The following PELP1 variants were observed in gnomAD, a reference collection of about 807,000 sequenced individuals.
The protein encoded by PELP1 is proline, glutamate and leucine rich protein 1.
PELP1 carries 32 observed loss-of-function variants against 95.5 expected under a neutral mutation model. The ratio of observed to expected loss-of-function variants is 0.34; its 90% CI spans 0.25 to 0.45. The LOEUF is 0.45. Among genes scored for constraint, PELP1 ranks in the 20% least tolerant of loss-of-function variants. The pLI, the probability that PELP1 is intolerant of heterozygous loss-of-function variation, is 1.00. For missense variants in PELP1, 1,358 were observed against 1,444.8 expected, an observed-to-expected ratio of 0.94 and a Z score of 0.97; for synonymous variants, 668 against 600.1, an observed-to-expected ratio of 1.11 and a Z score of -1.65.
chr17:4,674,408 C>T (rs1912364077), intron 13 of PELP1, 102 bp downstream of exon 13: 1 of 1,114,886 alleles, frequency 9.0e-7, no homozygotes, highest in Non-Finnish European at 1.3e-6. Context: ...ACTCTCCCCA[C>T]AAAAGTTTCA....
intron 3 of PELP1, 95 bp downstream of exon 3, chr17:4,690,793 G>A (rs1391129580): frequency 1.0e-5 from 8 of 783,318 alleles, no homozygotes; most frequent in Non-Finnish European, 1.8e-5. Context: ...TCTGTCCCCA[G>A]AACTACATGT....
chr17:4,683,675 C>T (rs183863792), intron 3 of PELP1, among the ~76,000 whole-genome samples: 27 of 151,156 alleles, frequency 1.8e-4, no homozygotes, highest in Admixed American at 3.3e-4. Context: ...GGATTACAGG[C>T]ATGGACCATC....
At chr17:4,684,197 C>T (rs1410216395) in intron 3 of PELP1, among the ~76,000 whole-genome samples, 4 of 152,100 alleles carry the variant, frequency 2.6e-5, no homozygotes, top group African/African-American at 9.7e-5. Flanking sequence ...AAAGAAAATA[C>T]TTATGAAGCA....
At position 4,673,714 on chromosome 17, in the gene PELP1, C is replaced by A; in HGVS notation, c.1583-40G>T. On this transcript the variant is annotated intron_variant, in intron 13 of 16. Transcript: ENST00000572293. This position sits in a 1 kb window ranked among gnomAD's most constrained non-coding sequence, Gnocchi z 5.7. ...TGGTGTGTAAAGGGTAGGCTCCCAACAGACTGACGGCAAGGGCTTCTGAAG... is the reference window on the plus strand; with the variant it reads ...TGGTGTGTAAAGGGTAGGCTCCCAAAAGACTGACGGCAAGGGCTTCTGAAG... 1.3e-6 allele frequency: 2 copies of A among 1,576,916 alleles called. No homozygotes were observed. Among genetic ancestry groups the A allele is most frequent in the Middle Eastern group, 1.7e-4 (1 of 6,002 alleles).
chr17:4,672,811 G>A lies in PELP1; in HGVS notation c.2180C>T (p.Pro727Leu). 1.2e-6 allele frequency: 2 copies of A among 1,613,934 alleles called. No homozygotes were observed. The highest frequency in any genetic ancestry group is 1.7e-6 in the Non-Finnish European group (2 of 1,179,852). Residue 727 changes from proline to leucine, a missense_variant, in exon 16 of 17, where the codon CCT becomes CTT. Pro to Leu is a moderately conservative substitution (Grantham distance 98, BLOSUM62 -3). Transcript: ENST00000572293. ...VSVPPRLLPG[P>L]ENHRAGSNED... is the part of the protein sequence containing the mutation. The stretch of plus-strand genomic sequence containing the variant: ...ATTTGAGCCTGCCCGGTGGTTCTCA[G>A]GGCCAGGAAGAAGCCGGGGAGGGAC...
rs957038951 is a variant in PELP1 at position 4,671,326 on chromosome 17, A to G, written c.*113T>C. ...ATACTATGGACACCCTGAAAAGCCC[A>G]GCAGACACTTGAGCTTCTGGCTGGG... is the stretch of plus-strand genomic sequence containing the variant. On this transcript the variant is annotated 3_prime_UTR_variant, in exon 17 of 17. Coordinates refer to ENST00000572293, the MANE Select transcript of PELP1 (RefSeq NM_014389.3). 8.6e-6 allele frequency: 6 copies of G among 694,970 alleles called. No individual in the cohort carries two copies. The highest frequency in any genetic ancestry group is 3.2e-5 in the South Asian group (2 of 62,564). The allele number at this position is 694,970 out of a possible 1,614,324, so 43.1% of individuals were successfully genotyped here.
At chr17:4,674,046 C>A (rs557979834) in intron 13 of PELP1, among the ~76,000 whole-genome samples, 14 of 152,292 alleles carry the variant, frequency 9.2e-5, no homozygotes, top group African/African-American at 3.4e-4. Flanking sequence ...TCAGTGGTTA[C>A]GGTGAGAGCA....
chr17:4,697,870 C>T (rs1217194462), intron 1 of PELP1, among the ~76,000 whole-genome samples: 13 of 151,876 alleles, frequency 8.6e-5, no homozygotes, highest in Admixed American at 8.5e-4. Context: ...CATTATCTCC[C>T]CCCAAGACAC....
chr17:4,702,694 C>T (rs1913590863), intron 1 of PELP1, among the ~76,000 whole-genome samples: 1 of 152,142 alleles, frequency 6.6e-6, no homozygotes, highest in Non-Finnish European at 1.5e-5. Flanking sequence ...CAAATTGTGA[C>T]AACCATCTTC....
At chr17:4,700,410 C>G (rs117346613) in intron 1 of PELP1, among the ~76,000 whole-genome samples, 2 of 151,792 alleles carry the variant, frequency 1.3e-5, no homozygotes, top group East Asian at 3.9e-4. Context: ...TTTGGGAGGT[C>G]GAGTGGGGAG....
At position 4,670,192 on chromosome 17, in the gene PELP1, A is replaced by T. The variant is rs148385233; in HGVS notation, c.*1247T>A. ...AATCCTACTGAAGTTTCCAAAAATT[A>T]GCTCAAATGCCACCTCCTCAAAGGG... is the stretch of plus-strand genomic sequence containing the variant. On this transcript the variant is annotated 3_prime_UTR_variant, in exon 17 of 17. Coordinates refer to ENST00000572293, the MANE Select transcript of PELP1 (RefSeq NM_014389.3). The T allele has an allele frequency of 5.9e-5, 9 of 152,360 alleles. No individual in the cohort carries two copies. The highest frequency in any genetic ancestry group is 8.8e-5 in the Non-Finnish European group (6 of 68,032). 9.4% of individuals were successfully genotyped at this position (152,360 alleles called of 1,614,324 possible).
At chr17:4,685,578 C>G (rs1912874847) in intron 3 of PELP1, among the ~76,000 whole-genome samples, 1 of 151,494 alleles carries the variant, frequency 6.6e-6, no homozygotes, top group African/African-American at 2.4e-5. Context: ...CTGCTTGAGC[C>G]CAGAAGTTCG....
intron 1 of PELP1, among the ~76,000 whole-genome samples, chr17:4,700,207 G>A (rs1166680279): frequency 6.6e-6 from 1 of 152,116 alleles, no homozygotes; most frequent in Non-Finnish European, 1.5e-5. Context: ...GCCTGGCCGA[G>A]GATGAAGTTT....
At chr17:4,698,839 CATG>C (rs1341632292) in intron 1 of PELP1, among the ~76,000 whole-genome samples, 2 of 151,970 alleles carry the variant, frequency 1.3e-5, no homozygotes, top group East Asian at 3.8e-4. Flanking sequence ...ATTCTCTGAT[CATG>C]ATGATAGAGT....
In PELP1 at chr17:4,672,015, G is replaced by A. The variant is rs1346278859; in HGVS notation, c.2976C>T (p.Pro992=). 2.5e-6 allele frequency: 4 copies of A among 1,571,756 alleles called. No individual in the cohort carries two copies. The highest frequency in any genetic ancestry group is 1.8e-5 in the Admixed American group (1 of 54,210). The change falls in exon 16 of 17, where the codon CCC becomes CCT. Residue 992 remains proline, a synonymous_variant. Transcript: ENST00000572293. Reference sequence around the variant, plus strand: ...GTTCGGGTTCTGGCTGCACCTTTGGGGGAGACTCAGGGGGAGGCAGAGCTG... The same window carrying A: ...GTTCGGGTTCTGGCTGCACCTTTGGAGGAGACTCAGGGGGAGGCAGAGCTG... ...LPPALPPPES[P]PKVQPEPEPE... is the part of the protein sequence containing the mutation.
At position 4,672,969 on chromosome 17, in the gene PELP1, C is replaced by T. The variant is rs548162502; in HGVS notation, c.2022G>A (p.Val674=). 11 of 1,579,004 alleles carry T rather than the reference C, an allele frequency of 7.0e-6. No homozygotes were observed. Among genetic ancestry groups the T allele is most frequent in the Admixed American group, 3.5e-5 (2 of 56,576 alleles). ...TGGGGCCTGCTGAGGGCATGGAGCC[C>T]ACTGAGGGCATGGGGCCCGGAGGAT... The part of the protein sequence containing the change: ...PFHPPGPMPS[V]GSMPSAGPMP... The change falls in exon 16 of 17, where the codon GTG becomes GTA. Residue 674 remains valine (V), a synonymous_variant. Coordinates refer to ENST00000572293, the MANE Select transcript of PELP1 (RefSeq NM_014389.3).
Position 4,675,634 on chromosome 17 carries a change from C to T in PELP1, c.1068+163G>A. 1 of 721,414 alleles carries T rather than the reference C, an allele frequency of 1.4e-6. No individual in the cohort carries two copies. The highest frequency in any genetic ancestry group is 2.5e-6 in the Non-Finnish European group (1 of 393,500). The allele number at this position is 721,414 out of a possible 1,614,324, so 44.7% of individuals were successfully genotyped here. A position where few individuals can be genotyped will look rare whatever the true frequency, so the allele number is the denominator to read the frequency against. ...TTTGCTACACTCTGACACTGTGCTC[C>T]TGTGTCACGACACATAGGAAGTGAT... On this transcript the variant is annotated intron_variant, in intron 9 of 16. Transcript: ENST00000572293. The surrounding 1 kb of genome is among the most constrained non-coding windows in gnomAD (Gnocchi z 4.3).
chr17:4,673,378 AGCTCGTGTACGGGGAGCT>A lies in PELP1; in HGVS notation c.1699_1716del (p.Ser568_Ser573del). The A allele has an allele frequency of 6.3e-7, 1 of 1,597,538 alleles. No homozygotes were observed. Among genetic ancestry groups the A allele is most frequent in the Non-Finnish European group, 8.5e-7 (1 of 1,172,586 alleles). ...CAGTAGAGTTCACGGCGGCAGCGGGAGCTCGTGTACGGGGAGCTGCCTAGGACCTCACCCTGCTGTACA... is the reference window on the plus strand; with the variant it reads ...CAGTAGAGTTCACGGCGGCAGCGGGAGCCTAGGACCTCACCCTGCTGTACA... On this transcript the variant is annotated inframe_deletion, in exon 15 of 17. Transcript: ENST00000572293. This position sits in a 1 kb window ranked among gnomAD's most constrained non-coding sequence, Gnocchi z 5.7.
At chr17:4,687,489 A>G (rs1271469875) in intron 3 of PELP1, among the ~76,000 whole-genome samples, 2 of 102,572 alleles carry the variant, frequency 1.9e-5, no homozygotes, top group Non-Finnish European at 4.0e-5. Context: ...ACACAGCAAG[A>G]CTCCATCTCA....
Sources: gnomAD v4.1 joint callset for allele counts (sites outside exome capture counted in the v4.1 genomes callset) on GRCh38, gnomAD v4.1.1 for gene constraint, Gnocchi (gnomAD v3.1) non-coding constraint, MANE v1.5 for transcripts, NCBI Gene and HGNC (gene_info 2026-07-23, HGNC 2026-07-21) for gene names.